The following CTNNA3 variants were observed in gnomAD, a reference collection of about 807,000 sequenced individuals.
CTNNA3 encodes the protein catenin alpha 3, also known as catenin alpha-3.
CTNNA3 carries 76 observed loss-of-function variants against 95.7 expected under a neutral mutation model. The observed-to-expected ratio is 0.79, with a 90% confidence interval of 0.66 to 0.96. The LOEUF (loss-of-function observed/expected upper bound fraction) is 0.96. Ranked by LOEUF, CTNNA3 falls within the 40% of genes least tolerant of loss-of-function variation. CTNNA3 has a pLI of 0.00. For missense variants in CTNNA3, 1,191 were observed against 1,089.8 expected, an observed-to-expected ratio of 1.09 and a Z score of -1.31; for synonymous variants, 431 against 374.4, an observed-to-expected ratio of 1.15 and a Z score of -1.74.
chr10:66,448,440 G>A (rs9415851), intron 11 of CTNNA3, among the ~76,000 whole-genome samples: 12,261 of 151,984 alleles, frequency 0.081, 858 homozygotes, highest in African/African-American at 0.19. Context: ...ATGTCCAACA[G>A]CGATAGACTG....
intron 13 of CTNNA3, among the ~76,000 whole-genome samples, chr10:66,125,923 G>A (rs1286635024): frequency 6.6e-6 from 1 of 152,112 alleles, no homozygotes; most frequent in Admixed American, 6.6e-5. Flanking sequence ...ATTAATGGTG[G>A]ATACATGACA....
At chr10:66,058,791 T>C (rs2080135952) in intron 15 of CTNNA3, among the ~76,000 whole-genome samples, 1 of 152,184 alleles carries the variant, frequency 6.6e-6, no homozygotes, top group African/African-American at 2.4e-5. Flanking sequence ...AGGGATATTA[T>C]AGAAACATAA....
At chr10:67,739,837 G>C (rs1443440074) in intron 1 of CTNNA3, among the ~76,000 whole-genome samples, 17 of 152,164 alleles carry the variant, frequency 1.1e-4, no homozygotes, top group Non-Finnish European at 1.5e-4. Context: ...CAAAAAAGAG[G>C]CCGCATCGCC....
intron 12 of CTNNA3, among the ~76,000 whole-genome samples, chr10:66,346,234 T>TAGAGAGAG: frequency 2.2e-5 from 1 of 46,160 alleles, no homozygotes; most frequent in Admixed American, 2.2e-4. Context: ...TATATATATA[T>TAGAGAGAG]ATATATATAT....
At chr10:66,383,899 G>C (rs1382267725) in intron 11 of CTNNA3, among the ~76,000 whole-genome samples, 2 of 152,152 alleles carry the variant, frequency 1.3e-5, no homozygotes, top group East Asian at 3.9e-4. Context: ...CAAATGCTGA[G>C]AGATTTTGTC....
At chr10:67,042,744 A>G (rs1854481577) in intron 7 of CTNNA3, among the ~76,000 whole-genome samples, 1 of 152,096 alleles carries the variant, frequency 6.6e-6, no homozygotes, top group African/African-American at 2.4e-5. Context: ...AAGAAGGAAG[A>G]GTAGGACTGA....
intron 7 of CTNNA3, among the ~76,000 whole-genome samples, chr10:66,790,277 T>G (rs527245073): frequency 6.6e-6 from 1 of 152,088 alleles, no homozygotes; most frequent in African/African-American, 2.4e-5. Flanking sequence ...GGTGAAACCC[T>G]GTCTCTACTA....
chr10:66,205,310 A>T (rs948393520), intron 13 of CTNNA3, among the ~76,000 whole-genome samples: 7 of 152,148 alleles, frequency 4.6e-5, no homozygotes, highest in African/African-American at 1.7e-4. Context: ...TAAGAAAACA[A>T]TGTTGAATAA....
intron 10 of CTNNA3, among the ~76,000 whole-genome samples, chr10:66,577,733 T>G (rs985054438): frequency 6.6e-6 from 1 of 152,104 alleles, no homozygotes; most frequent in African/African-American, 2.4e-5. Flanking sequence ...AGCCTTGTAG[T>G]ATAGTTTTAA....
intron 5 of CTNNA3, among the ~76,000 whole-genome samples, chr10:67,342,381 C>A (rs1842241206): frequency 6.6e-6 from 1 of 152,046 alleles, no homozygotes; most frequent in Non-Finnish European, 1.5e-5. Context: ...GGATTACAGG[C>A]GTGAGCCACC....
intron 1 of CTNNA3, among the ~76,000 whole-genome samples, chr10:67,704,523 G>A (rs1841065483): frequency 6.6e-6 from 1 of 152,138 alleles, no homozygotes; most frequent in Non-Finnish European, 1.5e-5. Context: ...ACAAGCAATG[G>A]GGAAAGGATT....
chr10:66,101,267 G>A (rs1450370950), intron 14 of CTNNA3, among the ~76,000 whole-genome samples: 1 of 152,124 alleles, frequency 6.6e-6, no homozygotes, highest in African/African-American at 2.4e-5. Context: ...GGCTAGTAGA[G>A]GGCTGACAAA....
At chr10:66,403,038 C>T (rs1331126650) in intron 11 of CTNNA3, among the ~76,000 whole-genome samples, 3 of 152,164 alleles carry the variant, frequency 2.0e-5, no homozygotes, top group Non-Finnish European at 2.9e-5. Flanking sequence ...ATCAGAAAAT[C>T]GTTGAATCTA....
At chr10:66,269,815 C>T (rs910308498) in intron 13 of CTNNA3, among the ~76,000 whole-genome samples, 16 of 152,146 alleles carry the variant, frequency 1.1e-4, no homozygotes, top group Non-Finnish European at 1.8e-4. Context: ...CAATTGCCAT[C>T]ATCTTTAAAG....
intron 13 of CTNNA3, among the ~76,000 whole-genome samples, chr10:66,119,628 TAA>T (rs2082488709): frequency 6.6e-6 from 1 of 152,156 alleles, no homozygotes; most frequent in East Asian, 1.9e-4. Context: ...AATGAAAAAA[TAA>T]GATAACTTAT....
At chr10:66,923,063 A>G (rs1338663500) in intron 7 of CTNNA3, among the ~76,000 whole-genome samples, 1 of 152,204 alleles carries the variant, frequency 6.6e-6, no homozygotes, top group Non-Finnish European at 1.5e-5. Context: ...ACTCACTCTA[A>G]TATTTTATAC....
intron 13 of CTNNA3, among the ~76,000 whole-genome samples, chr10:66,139,017 C>T (rs2083481437): frequency 6.6e-6 from 1 of 152,118 alleles, no homozygotes; most frequent in South Asian, 2.1e-4. Context: ...GCCAAAGTTT[C>T]CCCCAGGCTT....
intron 6 of CTNNA3, 128 bp from the exon 7 acceptor site, chr10:67,180,648 C>T (rs528163470): frequency 2.9e-5 from 21 of 713,636 alleles, no homozygotes; most frequent in East Asian, 2.2e-4. Flanking sequence ...TTTACTGCCT[C>T]GGCTGGTTCA....
intron 7 of CTNNA3, among the ~76,000 whole-genome samples, chr10:66,976,259 C>T (rs946214403): frequency 6.6e-6 from 1 of 152,106 alleles, no homozygotes; most frequent in African/African-American, 2.4e-5. Flanking sequence ...AATGGAATGG[C>T]GGCACTAATA....
Sources: gnomAD v4.1 joint callset for allele counts (sites outside exome capture counted in the v4.1 genomes callset) on GRCh38, gnomAD v4.1.1 for gene constraint, MANE v1.5 for transcripts, NCBI Gene and HGNC (gene_info 2026-07-23, HGNC 2026-07-21) for gene names.